SSH2: variants seen among roughly 807,000 people sequenced by gnomAD.
The protein encoded by SSH2 is protein phosphatase Slingshot homolog 2.
A neutral mutation model predicts 135.2 loss-of-function variants in SSH2; 37 were observed. That is an observed-to-expected ratio of 0.27 (90% CI 0.21 to 0.36). SSH2 has a LOEUF of 0.36. Among genes scored for constraint, SSH2 ranks in the 10% least tolerant of loss-of-function variants. The pLI is 1.00. For synonymous variants in SSH2, 628 were observed against 646.2 expected (o/e 0.97, Z 0.43); for missense variants, 1,408 against 1,765.3 (o/e 0.80, Z 3.63).
chr17:29,647,384 T>C (rs771487903), intron 14 of SSH2, among the ~76,000 whole-genome samples: 1 of 151,068 alleles, frequency 6.6e-6, no homozygotes, highest in Non-Finnish European at 1.5e-5. Flanking sequence ...AAAATATGAA[T>C]GAATGAATGG....
intron 2 of SSH2, among the ~76,000 whole-genome samples, chr17:29,837,232 A>G (rs1213799295): frequency 1.3e-5 from 2 of 151,438 alleles, no homozygotes; most frequent in South Asian, 2.1e-4. Context: ...ACTCCAGCCT[A>G]GGTGACGCAA....
At chr17:29,653,943 C>T (rs1460961808) in intron 12 of SSH2, among the ~76,000 whole-genome samples, 2 of 152,124 alleles carry the variant, frequency 1.3e-5, no homozygotes, top group African/African-American at 4.8e-5. Context: ...AAAACATTGT[C>T]CCACTCCTAA....
Position 29,913,347 on chromosome 17 carries a change from A to AAAAAAAAAAAAAAATT in SSH2, c.63+16590_63+16591insAATTTTTTTTTTTTTT. On this transcript the variant is annotated intron_variant, in intron 1 of 15. Coordinates refer to ENST00000540801, the MANE Select transcript of SSH2 (RefSeq NM_001282129.2). The stretch of plus-strand genomic sequence containing the variant: ...AAAAAAAAAAAAAAAAAAAAAAAAA[A>AAAAAAAAAAAAAAATT]ATATATATATATATATATATATATA... 2.8e-4 allele frequency among the ~76,000 whole-genome samples: 8 copies of AAAAAAAAAAAAAAATT among 28,786 alleles called. 1 individual carries two copies. Among genetic ancestry groups the AAAAAAAAAAAAAAATT allele is most frequent in the Admixed American group, 1.5e-3 (2 of 1,362 alleles). The allele number at this position is 28,786 out of a possible 152,430, so 18.9% of individuals were successfully genotyped here.
chr17:29,738,613 C>T lies in SSH2; in HGVS notation c.189-35551G>A, dbSNP rs112214391. Reference sequence around the variant, plus strand: ...CTGTTGCCTAGGCTGGAGTGCAGTGCTGCAATCTTGGCTCACTGCAAGCTG... The same window carrying T: ...CTGTTGCCTAGGCTGGAGTGCAGTGTTGCAATCTTGGCTCACTGCAAGCTG... On this transcript the variant is annotated intron_variant, in intron 3 of 15. Coordinates refer to ENST00000540801, the MANE Select transcript of SSH2 (RefSeq NM_001282129.2). 1.8e-3 allele frequency among the ~76,000 whole-genome samples: 266 copies of T among 148,258 alleles called. 3 individuals carry two copies. The highest frequency in any genetic ancestry group is 5.9e-3 in the African/African-American group (236 of 40,178).
At chr17:29,872,281 C>T (rs1250471127) in intron 1 of SSH2, among the ~76,000 whole-genome samples, 2 of 152,102 alleles carry the variant, frequency 1.3e-5, no homozygotes, top group Non-Finnish European at 2.9e-5. Context: ...GCCATAACAG[C>T]ACAGTATAAC....
chr17:29,877,702 A>T (rs1402114225), intron 1 of SSH2, among the ~76,000 whole-genome samples: 1 of 151,894 alleles, frequency 6.6e-6, no homozygotes, highest in Non-Finnish European at 1.5e-5. Flanking sequence ...ATAGAGAAGG[A>T]TGGTTAACAG....
chr17:29,731,693 T>C (rs974245207), intron 3 of SSH2, among the ~76,000 whole-genome samples: 1 of 152,116 alleles, frequency 6.6e-6, no homozygotes, highest in African/African-American at 2.4e-5. Context: ...TGGCCTCAAC[T>C]GATCTGTCCA....
chr17:29,789,733 G>A (rs2042032630), intron 3 of SSH2, among the ~76,000 whole-genome samples: 1 of 152,218 alleles, frequency 6.6e-6, no homozygotes, highest in South Asian at 2.1e-4. Context: ...CAATGAGGGT[G>A]ACGCTGCCAC....
chr17:29,760,970 A>T, intron 3 of SSH2: 1 of 483,210 alleles, frequency 2.1e-6, no homozygotes, highest in Non-Finnish European at 3.3e-6. Flanking sequence ...CGCCTCCATG[A>T]ATCCCCCCAC....
Position 29,677,692 on chromosome 17 carries a change from T to C in SSH2, c.529A>G (p.Ile177Val). 6.2e-7 allele frequency: 1 copy of C among 1,614,074 alleles called. No individual in the cohort carries two copies. The highest frequency in any genetic ancestry group is 1.1e-5 in the South Asian group (1 of 91,086). ...TCTTACCCATCACCATCCAAATGAA[T>C]TAGCGTGTCGCTCCAGAGAGGCAAA... ...LVLPLWSDTL[I>V]HLDGDGGFSV... The change falls in exon 7 of 16, where the codon ATT (isoleucine) becomes GTT (valine). Residue 177 changes from isoleucine (I) to valine (V), a missense_variant. Ile to Val is a conservative substitution (Grantham distance 29). Coordinates refer to ENST00000540801, the MANE Select transcript of SSH2 (RefSeq NM_001282129.2).
intron 3 of SSH2, among the ~76,000 whole-genome samples, chr17:29,743,909 T>TC (rs1445356369): frequency 3.3e-5 from 4 of 122,702 alleles, no homozygotes; most frequent in Non-Finnish European, 6.5e-5. Context: ...CTTTTTTCCT[T>TC]TTTTTTTTTT....
chr17:29,910,491 T>G (rs2066747194), intron 1 of SSH2, among the ~76,000 whole-genome samples: 1 of 152,180 alleles, frequency 6.6e-6, no homozygotes, highest in Admixed American at 6.5e-5. Context: ...AAATACACAT[T>G]TATTCAGAGA....
At chr17:29,763,239 T>C (rs952880336) in intron 3 of SSH2, among the ~76,000 whole-genome samples, 5 of 152,174 alleles carry the variant, frequency 3.3e-5, no homozygotes, top group African/African-American at 9.7e-5. Flanking sequence ...TTCTGAGATA[T>C]CTGGTAATAG....
At chr17:29,927,468 A>C (rs995737654) in intron 1 of SSH2, among the ~76,000 whole-genome samples, 1 of 152,220 alleles carries the variant, frequency 6.6e-6, no homozygotes. Flanking sequence ...TGCATCCTAT[A>C]GTGTAAAAGT....
At chr17:29,761,213 C>A in intron 3 of SSH2, 1 of 1,288,644 alleles carries the variant, frequency 7.8e-7, no homozygotes, top group Non-Finnish European at 1.0e-6. Context: ...CATGTCGGGG[C>A]CACCGAGGCT....
In SSH2 at chr17:29,904,099, T is replaced by G. The variant is rs144340443; in HGVS notation, c.63+25839A>C. On this transcript the variant is annotated intron_variant, in intron 1 of 15. Coordinates refer to ENST00000540801, the MANE Select transcript of SSH2 (RefSeq NM_001282129.2). ...AAAGAAGAGCTAATACCATTCCTAC[T>G]GAAACTATTCCAAAAAATTGAAAAG... 7.6e-3 allele frequency among the ~76,000 whole-genome samples: 1,150 copies of G among 152,252 alleles called. 13 individuals are homozygous for G. Among genetic ancestry groups the G allele is most frequent in the African/African-American group, 0.026 (1,098 of 41,528 alleles).
chr17:29,768,289 ATT>A (rs545565554), intron 3 of SSH2, among the ~76,000 whole-genome samples: 36 of 139,768 alleles, frequency 2.6e-4, no homozygotes, highest in Admixed American at 2.2e-4. Flanking sequence ...ATAAATGTAA[ATT>A]TTTTTTTTTT....
At chr17:29,739,229 T>A (rs536136179) in intron 3 of SSH2, among the ~76,000 whole-genome samples, 1 of 151,700 alleles carries the variant, frequency 6.6e-6, no homozygotes, top group African/African-American at 2.4e-5. Flanking sequence ...AGTAGCAGAG[T>A]TCGAACCGAA....
At chr17:29,661,451 G>A (rs1005097606) in intron 11 of SSH2, among the ~76,000 whole-genome samples, 10 of 152,168 alleles carry the variant, frequency 6.6e-5, no homozygotes, top group African/African-American at 2.4e-4. Context: ...CCGTTGAACT[G>A]GGAAAGCTCA....
Sources: allele counts gnomAD v4.1 joint callset (sites outside exome capture counted in the v4.1 genomes callset), GRCh38; gene constraint gnomAD v4.1.1; transcripts MANE v1.5; gene names NCBI Gene and HGNC (gene_info 2026-07-23, HGNC 2026-07-21).